SPMAP2L: variants seen among roughly 807,000 people sequenced by gnomAD.
SPMAP2L encodes the protein sperm microtubule associated protein 2 like.
the SPMAP2L span, among the ~76,000 whole-genome samples, chr4:56,560,009 C>A: frequency 6.6e-6 from 1 of 152,146 alleles, no homozygotes; most frequent in Non-Finnish European, 1.5e-5. Flanking sequence ...TTTTCCAGAG[C>A]AAAATCTGAT....
chr4:56,534,383 C>T, the SPMAP2L span, among the ~76,000 whole-genome samples: 1 of 152,150 alleles, frequency 6.6e-6, no homozygotes, highest in Non-Finnish European at 1.5e-5. Flanking sequence ...ACTGATTGTT[C>T]TTTAGTCAGT....
chr4:56,622,128 A>T, the SPMAP2L span, among the ~76,000 whole-genome samples: 2 of 152,184 alleles, frequency 1.3e-5, no homozygotes, highest in Non-Finnish European at 2.9e-5. Flanking sequence ...TTTTTGCTAA[A>T]TTTTTCTGTA....
chr4:56,534,971 T>C, the SPMAP2L span, among the ~76,000 whole-genome samples: 1 of 151,500 alleles, frequency 6.6e-6, no homozygotes, highest in African/African-American at 2.4e-5. Flanking sequence ...AAAACCATAA[T>C]GTGCCCACCA....
the SPMAP2L span, among the ~76,000 whole-genome samples, chr4:56,565,460 T>C: frequency 6.6e-6 from 1 of 152,192 alleles, no homozygotes; most frequent in African/African-American, 2.4e-5. Context: ...GACTGGAAAG[T>C]TACACACCTG....
chr4:56,615,020 G>A, the SPMAP2L span, among the ~76,000 whole-genome samples: 2 of 152,196 alleles, frequency 1.3e-5, no homozygotes, highest in African/African-American at 4.8e-5. Flanking sequence ...AGGAGAAATA[G>A]CACAATACAT....
At chr4:56,591,785 A>T in the SPMAP2L span, among the ~76,000 whole-genome samples, 7 of 152,228 alleles carry the variant, frequency 4.6e-5, no homozygotes, top group Non-Finnish European at 1.0e-4. Context: ...GTGAAGAATA[A>T]CTTGGGAGTC....
At chr4:56,594,954 G>C in the SPMAP2L span, 7 of 1,611,554 alleles carry the variant, frequency 4.3e-6, no homozygotes, top group Non-Finnish European at 5.1e-6. Flanking sequence ...GGTGGTCCTG[G>C]CATGGGGCCC....
the SPMAP2L span, among the ~76,000 whole-genome samples, chr4:56,571,329 T>TC: frequency 6.6e-6 from 1 of 151,638 alleles, no homozygotes. Context: ...TTTAAAACTT[T>TC]TTTTTTTTCA....
chr4:56,595,817 G>A, the SPMAP2L span: 2 of 765,128 alleles, frequency 2.6e-6, no homozygotes, highest in South Asian at 1.4e-5. Flanking sequence ...GCCTCAAGTA[G>A]GAGTTTTATA....
the SPMAP2L span, among the ~76,000 whole-genome samples, chr4:56,604,014 A>C: frequency 1.3e-5 from 2 of 152,184 alleles, no homozygotes; most frequent in Non-Finnish European, 2.9e-5. Context: ...CTCTCTATAG[A>C]TCAGTATTTT....
chr4:56,548,235 C>T, the SPMAP2L span, among the ~76,000 whole-genome samples: 4 of 107,884 alleles, frequency 3.7e-5, no homozygotes, highest in African/African-American at 5.8e-5. Context: ...CGTTCTCTTT[C>T]TGTTTTTTTT....
the SPMAP2L span, among the ~76,000 whole-genome samples, chr4:56,562,162 T>G: frequency 4.6e-5 from 7 of 152,106 alleles, no homozygotes; most frequent in Admixed American, 4.6e-4. Flanking sequence ...ACAAGGTAGA[T>G]TAAAGTAATA....
chr4:56,608,010 A>G, the SPMAP2L span, among the ~76,000 whole-genome samples: 64 of 151,362 alleles, frequency 4.2e-4, no homozygotes, highest in East Asian at 2.1e-3. Context: ...AAAAAAAAAA[A>G]AAAGAAAGAA....
At chr4:56,580,905 C>T in the SPMAP2L span, among the ~76,000 whole-genome samples, 3 of 152,048 alleles carry the variant, frequency 2.0e-5, no homozygotes, top group Non-Finnish European at 4.4e-5. Context: ...CAAAATTATA[C>T]ATATAAGGAA....
chr4:56,609,119 G>A, the SPMAP2L span, among the ~76,000 whole-genome samples: 3 of 143,522 alleles, frequency 2.1e-5, no homozygotes, highest in African/African-American at 5.2e-5. Context: ...GCGTGATCTT[G>A]GCTCACTGCA....
At chr4:56,566,897 G>A in the SPMAP2L span, among the ~76,000 whole-genome samples, 5 of 149,100 alleles carry the variant, frequency 3.4e-5, no homozygotes, top group African/African-American at 7.6e-5. Flanking sequence ...GGGTTTCAGC[G>A]TGTTGGTGAG....
the SPMAP2L span, chr4:56,593,580 T>C: frequency 6.2e-7 from 1 of 1,603,262 alleles, no homozygotes; most frequent in Non-Finnish European, 8.5e-7. Flanking sequence ...CCGGGAGAAT[T>C]TGGGGTAGAC....
At chr4:56,620,875 C>G in the SPMAP2L span, among the ~76,000 whole-genome samples, 1 of 152,158 alleles carries the variant, frequency 6.6e-6, no homozygotes, top group African/African-American at 2.4e-5. Context: ...TCTGAGAGTG[C>G]CCCTTCAGTT....
chr4:56,547,814 C>T, the SPMAP2L span, among the ~76,000 whole-genome samples: 1 of 152,134 alleles, frequency 6.6e-6, no homozygotes, highest in Non-Finnish European at 1.5e-5. Flanking sequence ...ATGGGATCAC[C>T]TACATTTTTC....
Sources: gnomAD v4.1 joint callset for allele counts (sites outside exome capture counted in the v4.1 genomes callset) on GRCh38, gnomAD v4.1.1 for gene constraint, MANE v1.5 for transcripts, NCBI Gene and HGNC (gene_info 2026-07-23, HGNC 2026-07-21) for gene names.